Variants in CADPS observed in about 807,000 individuals in gnomAD.
The protein encoded by CADPS is calcium dependent secretion activator.
In CADPS, 57 loss-of-function variants were observed where a neutral mutation model predicts 167.3. The observed-to-expected ratio is 0.34, with a 90% CI of 0.28 to 0.42. CADPS has a LOEUF of 0.42. CADPS is among the 20% of genes least tolerant of loss of function. The pLI is 1.00. For synonymous variants in CADPS, 676 were observed against 635.3 expected, an observed-to-expected ratio of 1.06 and a Z score of -0.96; for missense variants, 1,414 against 1,738.1, an observed-to-expected ratio of 0.81 and a Z score of 3.32.
intron 2 of CADPS, among the ~76,000 whole-genome samples, chr3:62,756,309 C>G (rs559128428): frequency 1.6e-4 from 24 of 152,326 alleles, no homozygotes; most frequent in African/African-American, 5.8e-4. Flanking sequence ...TCAAGTGATA[C>G]ACCCGCCTGG....
intron 22 of CADPS, among the ~76,000 whole-genome samples, chr3:62,479,701 T>C (rs1165790189): frequency 6.6e-6 from 1 of 152,202 alleles, no homozygotes; most frequent in Non-Finnish European, 1.5e-5. Flanking sequence ...AGGTAACATA[T>C]AAACACGCCC....
intron 28 of CADPS, among the ~76,000 whole-genome samples, chr3:62,410,428 A>G (rs2048743216): frequency 6.6e-6 from 1 of 152,230 alleles, no homozygotes; most frequent in Non-Finnish European, 1.5e-5. Flanking sequence ...ATCATCATCC[A>G]TAGTTTCACT....
At chr3:62,733,818 TGTA>T (rs2152189266) in intron 3 of CADPS, among the ~76,000 whole-genome samples, 1 of 152,278 alleles carries the variant, frequency 6.6e-6, no homozygotes, top group East Asian at 1.9e-4. Context: ...ATACCCAATA[TGTA>T]GTCTTTGGTC....
At chr3:62,823,507 A>T (rs1209592634) in intron 1 of CADPS, among the ~76,000 whole-genome samples, 1 of 152,156 alleles carries the variant, frequency 6.6e-6, no homozygotes, top group Non-Finnish European at 1.5e-5. Context: ...TATTCTTTTT[A>T]AAAAAATATA....
intron 13 of CADPS, among the ~76,000 whole-genome samples, chr3:62,529,065 G>A (rs557924617): frequency 6.6e-6 from 1 of 152,238 alleles, no homozygotes; most frequent in South Asian, 2.1e-4. Context: ...TGAGGCTGAG[G>A]CAGGAGAATC....
intron 1 of CADPS, among the ~76,000 whole-genome samples, chr3:62,802,058 C>A (rs1484435615): frequency 6.6e-6 from 1 of 151,968 alleles, no homozygotes. Context: ...AGCTTTGCCT[C>A]CCAAAGCTGA....
chr3:62,531,986 A>C lies in CADPS; in HGVS notation c.2291+885T>G, dbSNP rs140968702. 2.6e-5 allele frequency among the ~76,000 whole-genome samples: 4 copies of C among 152,298 alleles called. No homozygotes were observed. The East Asian group carries it at 7.7e-4, about 29-fold the overall frequency. On this transcript the variant is annotated intron_variant, in intron 13 of 29. Coordinates refer to ENST00000383710, the MANE Select transcript of CADPS (RefSeq NM_003716.4). The stretch of plus-strand genomic sequence containing the variant: ...TCTGGGCTTGTATATAAAACCTACA[A>C]AATGAGGGGGTTGATTAGACTGTGA...
chr3:62,728,768 C>T (rs2077207664), intron 3 of CADPS, among the ~76,000 whole-genome samples: 1 of 152,024 alleles, frequency 6.6e-6, no homozygotes, highest in African/African-American at 2.4e-5. Flanking sequence ...GTGTTTTATT[C>T]TCTATTATCT....
chr3:62,403,044 G>T, intron 29 of CADPS, 37 bp downstream of exon 29: 1 of 1,295,970 alleles, frequency 7.7e-7, no homozygotes, highest in Non-Finnish European at 1.1e-6. Context: ...ATTTCAGTAA[G>T]CTATTTGCAA....
At chr3:62,729,769 C>A (rs1016363735) in intron 3 of CADPS, among the ~76,000 whole-genome samples, 1 of 151,728 alleles carries the variant, frequency 6.6e-6, no homozygotes, top group African/African-American at 2.4e-5. Flanking sequence ...CTGCCTTTAA[C>A]ACTTTCTCAT....
chr3:62,675,221 A>G (rs2076160289), intron 3 of CADPS, among the ~76,000 whole-genome samples: 1 of 152,154 alleles, frequency 6.6e-6, no homozygotes, highest in Non-Finnish European at 1.5e-5. Context: ...CAGTTTGCTG[A>G]AACTAATCTT....
intron 28 of CADPS, among the ~76,000 whole-genome samples, chr3:62,417,276 CTTTTTTTTTTTTTT>C (rs11353455): frequency 1.6e-5 from 1 of 64,044 alleles, no homozygotes; most frequent in Admixed American, 2.0e-4. Flanking sequence ...TTCTTTTACT[CTTTTTTTTTTTTTT>C]TTTTTTTTTT....
intron 11 of CADPS, among the ~76,000 whole-genome samples, chr3:62,537,938 CA>C: frequency 6.6e-6 from 1 of 152,146 alleles, no homozygotes; most frequent in Non-Finnish European, 1.5e-5. Flanking sequence ...ATAGAAGCAG[CA>C]AGTGGTCCTT....
At chr3:62,554,593 C>T (rs539174245) in intron 10 of CADPS, among the ~76,000 whole-genome samples, 1 of 152,114 alleles carries the variant, frequency 6.6e-6, no homozygotes, top group South Asian at 2.1e-4. Context: ...AATCTGAGGA[C>T]ATTGGTTAAA....
chr3:62,681,613 G>C (rs1306398682), intron 3 of CADPS, among the ~76,000 whole-genome samples: 1 of 152,006 alleles, frequency 6.6e-6, no homozygotes, highest in African/African-American at 2.4e-5. Context: ...CTTCTCTCCT[G>C]ATCTTCATAG....
chr3:62,703,402 G>A (rs1185976761), intron 3 of CADPS, among the ~76,000 whole-genome samples: 1 of 152,112 alleles, frequency 6.6e-6, no homozygotes, highest in African/African-American at 2.4e-5. Context: ...GGTATTTTTT[G>A]ACTTCTAGTG....
At chr3:62,472,343 G>C (rs1005934889) in intron 24 of CADPS, among the ~76,000 whole-genome samples, 1 of 152,304 alleles carries the variant, frequency 6.6e-6, no homozygotes, top group East Asian at 1.9e-4. Flanking sequence ...AATTTTATGG[G>C]TATGTGAATT....
intron 13 of CADPS, among the ~76,000 whole-genome samples, chr3:62,527,920 G>C (rs1281786004): frequency 6.6e-6 from 1 of 152,122 alleles, no homozygotes; most frequent in Non-Finnish European, 1.5e-5. Flanking sequence ...CCAAATGCTG[G>C]TCATGCTGGT....
intron 28 of CADPS, among the ~76,000 whole-genome samples, chr3:62,418,305 TTTC>T (rs1174951881): frequency 2.0e-5 from 3 of 150,372 alleles, no homozygotes; most frequent in African/African-American, 4.9e-5. Flanking sequence ...ATGTTTTCTT[TTTC>T]TTTTCTTTTT....
Sources: allele counts gnomAD v4.1 joint callset (sites outside exome capture counted in the v4.1 genomes callset), GRCh38; gene constraint gnomAD v4.1.1; transcripts MANE v1.5; gene names NCBI Gene and HGNC (gene_info 2026-07-23, HGNC 2026-07-21).